Variants in RSRC1 observed in about 807,000 individuals in gnomAD.
RSRC1 encodes arginine and serine rich coiled-coil 1.
Under a neutral mutation model 49.1 loss-of-function variants are expected in RSRC1, and 39 were observed. That is an observed-to-expected ratio of 0.79 (90% CI 0.61 to 1.04). The LOEUF (loss-of-function observed/expected upper bound fraction) is 1.04, where lower values mean the gene tolerates loss of function less well. RSRC1 is among the 50% of genes least tolerant of loss of function. The pLI is 0.00. For synonymous variants in RSRC1, 143 were observed against 130.8 expected, an observed-to-expected ratio of 1.09 and a Z score of -0.63; for missense variants, 388 against 402.4, an observed-to-expected ratio of 0.96 and a Z score of 0.31.
intron 8 of RSRC1, among the ~76,000 whole-genome samples, chr3:158,540,118 C>A (rs1044151225): frequency 1.3e-5 from 2 of 152,066 alleles, no homozygotes; most frequent in African/African-American, 4.8e-5. Context: ...AGCGTATTTC[C>A]CACTTGCACT....
intron 7 of RSRC1, among the ~76,000 whole-genome samples, chr3:158,518,148 A>ATACATTTTTTTTT (rs1310027981): frequency 9.1e-5 from 4 of 44,138 alleles, no homozygotes; most frequent in African/African-American, 6.2e-4. Flanking sequence ...ATATATATAT[A>ATACATTTTTTTTT]TTTTTTTTTT....
chr3:158,371,753 T>G (rs1290409284), intron 6 of RSRC1, among the ~76,000 whole-genome samples: 1 of 151,928 alleles, frequency 6.6e-6, no homozygotes, highest in African/African-American at 2.4e-5. Flanking sequence ...CATAATAACT[T>G]TGTTTAACAT....
intron 6 of RSRC1, among the ~76,000 whole-genome samples, chr3:158,380,566 T>C (rs1468124061): frequency 1.3e-5 from 2 of 152,234 alleles, no homozygotes; most frequent in Non-Finnish European, 2.9e-5. Flanking sequence ...CACATTTTAT[T>C]TTATTAATCT....
chr3:158,520,535 T>C (rs1203799579), intron 7 of RSRC1, among the ~76,000 whole-genome samples: 1 of 152,154 alleles, frequency 6.6e-6, no homozygotes, highest in Non-Finnish European at 1.5e-5. Context: ...AGTATTTGGG[T>C]CAAATGACTT....
At chr3:158,446,725 T>C (rs1033676003) in intron 6 of RSRC1, among the ~76,000 whole-genome samples, 6 of 152,072 alleles carry the variant, frequency 3.9e-5, no homozygotes, top group Admixed American at 3.3e-4. Context: ...GTTTTTCTTA[T>C]CTCTTCTACC....
chr3:158,160,105 C>A (rs1004777975), intron 3 of RSRC1, among the ~76,000 whole-genome samples: 1 of 152,130 alleles, frequency 6.6e-6, no homozygotes, highest in African/African-American at 2.4e-5. Flanking sequence ...AAGGCAAAAT[C>A]TGCCTTGGGA....
chr3:158,220,183 A>C lies in RSRC1; in HGVS notation c.494+16938A>C, dbSNP rs145072581. Among the ~76,000 whole-genome samples, 587 of 151,810 alleles carry C rather than the reference A, an allele frequency of 3.9e-3. 1 individual carries two copies. The highest frequency in any genetic ancestry group is 7.3e-3 in the Non-Finnish European group (492 of 67,746). On this transcript the variant is annotated intron_variant, in intron 4 of 9. Transcript: ENST00000611884. ...AAGGAAGGGTTTGTATCCGTGGCTC[A>C]CTGGAAGGGCTAATCGTAGATAGGG...
intron 5 of RSRC1, among the ~76,000 whole-genome samples, chr3:158,347,261 G>C (rs1038836800): frequency 2.0e-5 from 3 of 151,932 alleles, no homozygotes; most frequent in Non-Finnish European, 4.4e-5. Flanking sequence ...ACCTTATATA[G>C]AAGACATAGT....
chr3:158,120,638 C>G (rs1263900778), intron 1 of RSRC1, among the ~76,000 whole-genome samples: 1 of 145,426 alleles, frequency 6.9e-6, no homozygotes, highest in Non-Finnish European at 1.5e-5. Context: ...TAATGTTAAA[C>G]ATACTATACA....
rs367772803 is a variant in RSRC1, at chr3:158,209,262, T to C, written c.494+6017T>C. ...CCTCATGAATGGATTAATGCAGTTA[T>C]CAAGGGAGTGGGTATGCTATCATGG... On this transcript the variant is annotated intron_variant, in intron 4 of 9. Transcript: ENST00000611884. 9.9e-5 allele frequency among the ~76,000 whole-genome samples: 15 copies of C among 152,226 alleles called. No homozygotes were observed. The East Asian group carries it at 1.9e-3, about 20-fold the overall frequency.
At chr3:158,274,029 C>G (rs1725667440) in intron 4 of RSRC1, among the ~76,000 whole-genome samples, 1 of 152,082 alleles carries the variant, frequency 6.6e-6, no homozygotes, top group African/African-American at 2.4e-5. Context: ...AAAACTGAAA[C>G]ATTCAGAGTG....
At chr3:158,458,263 A>T (rs1737445844) in intron 6 of RSRC1, among the ~76,000 whole-genome samples, 1 of 152,186 alleles carries the variant, frequency 6.6e-6, no homozygotes, top group Non-Finnish European at 1.5e-5. Context: ...GGTTTTTGGT[A>T]GAGTCAATAA....
chr3:158,197,340 T>A (rs1322280964), intron 3 of RSRC1, among the ~76,000 whole-genome samples: 1 of 152,218 alleles, frequency 6.6e-6, no homozygotes, highest in African/African-American at 2.4e-5. Context: ...GTGGGATTGG[T>A]GGTGATATCC....
intron 6 of RSRC1, among the ~76,000 whole-genome samples, chr3:158,368,057 C>A (rs1731875432): frequency 6.6e-6 from 1 of 151,992 alleles, no homozygotes; most frequent in African/African-American, 2.4e-5. Context: ...AAAAAGGTAC[C>A]AGCTAGATTC....
intron 5 of RSRC1, among the ~76,000 whole-genome samples, chr3:158,340,316 G>A (rs1474232471): frequency 6.6e-6 from 1 of 152,132 alleles, no homozygotes; most frequent in Admixed American, 6.5e-5. Flanking sequence ...GCCGAGGTGG[G>A]TGAATCACAA....
At chr3:158,266,153 T>C (rs1725162754) in intron 4 of RSRC1, among the ~76,000 whole-genome samples, 1 of 152,170 alleles carries the variant, frequency 6.6e-6, no homozygotes, top group Admixed American at 6.5e-5. Flanking sequence ...TTAATAGTGT[T>C]TGTTCTTGGA....
chr3:158,388,801 G>A (rs1733107216), intron 6 of RSRC1, among the ~76,000 whole-genome samples: 1 of 151,976 alleles, frequency 6.6e-6, no homozygotes, highest in African/African-American at 2.4e-5. Flanking sequence ...AGTAGAGATG[G>A]GGTTTCACCG....
chr3:158,160,402 G>T (rs1481874973), intron 3 of RSRC1, among the ~76,000 whole-genome samples: 1 of 152,036 alleles, frequency 6.6e-6, no homozygotes. Context: ...AATGTATATT[G>T]ATGTCTTAGC....
intron 1 of RSRC1, among the ~76,000 whole-genome samples, chr3:158,112,111 T>G (rs1209151334): frequency 6.6e-6 from 1 of 152,196 alleles, no homozygotes; most frequent in Non-Finnish European, 1.5e-5. Flanking sequence ...CCAAGAGCTA[T>G]AGGAGCTCTG....
Sources: allele counts gnomAD v4.1 joint callset (sites outside exome capture counted in the v4.1 genomes callset), GRCh38; gene constraint gnomAD v4.1.1; transcripts MANE v1.5; gene names NCBI Gene and HGNC (gene_info 2026-07-23, HGNC 2026-07-21).